The following ADAM7 variants were observed in gnomAD, a reference collection of about 807,000 sequenced individuals.
ADAM7 encodes the protein ADAM metallopeptidase domain 7, also known as disintegrin and metalloproteinase domain-containing protein 7.
In ADAM7, 97 loss-of-function variants were observed where a neutral mutation model predicts 102.9. The observed-to-expected ratio is 0.94, with a 90% CI of 0.80 to 1.12. ADAM7 has a LOEUF of 1.12. Among genes scored for constraint, ADAM7 ranks in the 50% most tolerant of loss-of-function variants. ADAM7 has a pLI of 0.00. For synonymous variants in ADAM7, 334 were observed against 304.4 expected, an observed-to-expected ratio of 1.10 and a Z score of -1.01; for missense variants, 991 against 908.7, an observed-to-expected ratio of 1.09 and a Z score of -1.16.
At chr8:24,446,903 T>C (rs996135848) in intron 2 of ADAM7, among the ~76,000 whole-genome samples, 1 of 149,010 alleles carries the variant, frequency 6.7e-6, no homozygotes, top group Non-Finnish European at 1.5e-5. Context: ...AGTTGTAATA[T>C]AACTAATAAT....
At chr8:24,471,366 G>A (rs1484385906) in intron 7 of ADAM7, among the ~76,000 whole-genome samples, 1 of 151,960 alleles carries the variant, frequency 6.6e-6, no homozygotes, top group African/African-American at 2.4e-5. Context: ...AATGTCCTAG[G>A]CCTTTATGTT....
chr8:24,459,865 A>G (rs1019930380), intron 3 of ADAM7, among the ~76,000 whole-genome samples: 3 of 151,834 alleles, frequency 2.0e-5, no homozygotes, highest in Non-Finnish European at 4.4e-5. Context: ...TTGAGTGTTT[A>G]TTTTTCTCTG....
intron 20 of ADAM7, chr8:24,506,087 C>T: frequency 9.7e-6 from 15 of 1,546,404 alleles, no homozygotes; most frequent in Non-Finnish European, 1.3e-5. Flanking sequence ...TCTCTTCTTA[C>T]TAGCAGAGAA....
intron 6 of ADAM7, chr8:24,467,292 T>C (rs750583054): frequency 5.0e-6 from 2 of 402,118 alleles, no homozygotes; most frequent in Non-Finnish European, 4.4e-6. Flanking sequence ...AATCTAGAGA[T>C]AGTGTCTTTC....
intron 20 of ADAM7, among the ~76,000 whole-genome samples, chr8:24,502,591 T>C (rs1447675974): frequency 6.6e-6 from 1 of 152,040 alleles, no homozygotes; most frequent in Non-Finnish European, 1.5e-5. Flanking sequence ...AAGTTGATAA[T>C]TAGAAAATAT....
chr8:24,507,625 G>A, intron 21 of ADAM7, 90 bp downstream of exon 21: 1 of 1,105,486 alleles, frequency 9.0e-7, no homozygotes, highest in Non-Finnish European at 1.4e-6. Context: ...TGATTTACTG[G>A]GGACATCCTC....
chr8:24,493,197 G>C lies in ADAM7; in HGVS notation c.1810G>C (p.Val604Leu). 1.9e-6 allele frequency: 3 copies of C among 1,608,806 alleles called. No homozygotes were observed. In the South Asian group the frequency reaches 3.3e-5, roughly 18 times the overall value. The change falls in exon 16 of 22, where the codon GTG (valine) becomes CTG (leucine). Residue 604 changes from valine (V) to leucine (L), a missense_variant. Coordinates refer to ENST00000175238, the MANE Select transcript of ADAM7 (RefSeq NM_003817.4). ...CCATGATTCTACAGACATTGGCCTG[G>C]TGGCGTCAGGAACAAAATGTGGAGA... The part of the protein sequence containing the change: ...LYHDSTDIGL[V>L]ASGTKCGEGM...
intron 1 of ADAM7, 27 bp from the exon 2 acceptor site, chr8:24,442,446 A>AT (rs546064826): frequency 4.0e-6 from 6 of 1,507,420 alleles, no homozygotes; most frequent in Non-Finnish European, 4.6e-6. Flanking sequence ...TGTCAGACGG[A>AT]TTTTTTCCTC....
At chr8:24,454,359 G>A (rs1194164397) in intron 3 of ADAM7, among the ~76,000 whole-genome samples, 1 of 150,650 alleles carries the variant, frequency 6.6e-6, no homozygotes, top group African/African-American at 2.4e-5. Context: ...GGGCAATGGC[G>A]GGCGCCCCTC....
chr8:24,506,212 T>A, intron 20 of ADAM7: 1 of 1,338,904 alleles, frequency 7.5e-7, no homozygotes, highest in Non-Finnish European at 1.0e-6. Flanking sequence ...CAATAATAAT[T>A]TTCATGAAAC....
intron 7 of ADAM7, among the ~76,000 whole-genome samples, chr8:24,475,161 T>C (rs1819727727): frequency 6.6e-6 from 1 of 152,060 alleles, no homozygotes; most frequent in South Asian, 2.1e-4. Context: ...GATTTGGCAA[T>C]AAAAGTGCAA....
chr8:24,481,231 G>A (rs889288083), intron 8 of ADAM7, among the ~76,000 whole-genome samples: 1 of 152,104 alleles, frequency 6.6e-6, no homozygotes, highest in Non-Finnish European at 1.5e-5. Context: ...GACTTCTTTG[G>A]CCTCTACTGA....
At chr8:24,476,311 T>G in intron 7 of ADAM7, 122 bp from the exon 8 acceptor site, 1 of 651,476 alleles carries the variant, frequency 1.5e-6, no homozygotes, top group Non-Finnish European at 2.5e-6. Flanking sequence ...ATGAAAGGAG[T>G]TCTCTTTCTT....
Position 24,499,379 on chromosome 8 carries a change from C to T in ADAM7, c.1923+63C>T, listed in dbSNP as rs920111403. ...GCCATATATTTACTTTATTCCCCAG[C>T]CTATATGTGCATGTATATGTATGTA... On this transcript the variant is annotated intron_variant, in intron 17 of 21. Coordinates refer to ENST00000175238, the MANE Select transcript of ADAM7 (RefSeq NM_003817.4). The T allele has an allele frequency of 3.2e-6, 4 of 1,267,838 alleles. No individual in the cohort carries two copies. The Admixed American group carries it at 6.1e-5, about 19-fold the overall frequency. The allele number at this position is 1,267,838 out of a possible 1,614,324, so 78.5% of individuals were successfully genotyped here.
At chr8:24,504,811 T>G (rs1190119837) in intron 20 of ADAM7, among the ~76,000 whole-genome samples, 1 of 152,172 alleles carries the variant, frequency 6.6e-6, no homozygotes, top group Non-Finnish European at 1.5e-5. Flanking sequence ...ATGCCTCTGA[T>G]GAATTTCACT....
intron 3 of ADAM7, among the ~76,000 whole-genome samples, chr8:24,459,434 T>TTTTA (rs200725981): frequency 0.02 from 3,079 of 152,016 alleles, 114 homozygotes; most frequent in African/African-American, 0.071. Context: ...ATTGTCGACC[T>TTTTA]TTTATTTATT....
At chr8:24,485,602 C>T (rs1820115960) in intron 10 of ADAM7, among the ~76,000 whole-genome samples, 1 of 152,096 alleles carries the variant, frequency 6.6e-6, no homozygotes, top group Admixed American at 6.5e-5. Context: ...TACCACAGAT[C>T]AGCATGCAAT....
chr8:24,442,545 A>T lies in ADAM7; in HGVS notation c.125A>T (p.Asp42Val). The T allele has an allele frequency of 1.9e-6, 3 of 1,614,074 alleles. No individual in the cohort carries two copies. Among genetic ancestry groups the T allele is most frequent in the Non-Finnish European group, 2.5e-6 (3 of 1,179,946 alleles). Reference sequence around the variant, plus strand: ...AAGCTTCCTCTGATACAGAAGCGAGATACTGGACACACCCATGATGATGAC... The same window carrying T: ...AAGCTTCCTCTGATACAGAAGCGAGTTACTGGACACACCCATGATGATGAC... Reference protein sequence around the residue: ...PKKLPLIQKRDTGHTHDDDIL... With the variant: ...PKKLPLIQKRVTGHTHDDDIL... Residue 42 changes from aspartate (D) to valine (V), a missense_variant, in exon 2 of 22, where the codon GAT becomes GTT. By Grantham distance (152) the Asp-to-Val change is radical (BLOSUM62 -3). Coordinates refer to ENST00000175238, the MANE Select transcript of ADAM7 (RefSeq NM_003817.4).
chr8:24,500,160 C>A lies in ADAM7; in HGVS notation c.1924-18C>A, dbSNP rs748531109. 5.1e-5 allele frequency: 82 copies of A among 1,600,938 alleles called. No individual in the cohort carries two copies. Among genetic ancestry groups the A allele is most frequent in the Non-Finnish European group, 6.8e-5 (80 of 1,171,308 alleles). On this transcript the variant is annotated intron_variant, in intron 17 of 21. Coordinates refer to ENST00000175238, the MANE Select transcript of ADAM7 (RefSeq NM_003817.4). The stretch of plus-strand genomic sequence containing the variant: ...TTATATCAGTCATTTGAGAATATAT[C>A]ATTGACTGCTCTTCCAGGTGGATGG...
Sources: gnomAD v4.1 joint callset for allele counts (sites outside exome capture counted in the v4.1 genomes callset) on GRCh38, gnomAD v4.1.1 for gene constraint, MANE v1.5 for transcripts, NCBI Gene and HGNC (gene_info 2026-07-23, HGNC 2026-07-21) for gene names.